The following NID2 variants were observed in gnomAD, a reference collection of about 807,000 sequenced individuals.
The protein encoded by NID2 is nidogen-2.
Under a neutral mutation model 145.4 loss-of-function variants are expected in NID2, and 83 were observed. The observed-to-expected ratio is 0.57, with a 90% CI of 0.48 to 0.69. NID2 has a LOEUF of 0.69. Ranked by LOEUF, NID2 falls within the 30% of genes least tolerant of loss-of-function variation. The probability of loss-of-function intolerance (pLI) is 0.00; values close to 1 mark genes in which losing one functional copy is unlikely to be tolerated. For missense variants in NID2, 1,807 were observed against 1,765.7 expected (o/e 1.02, Z -0.42); for synonymous variants, 739 against 701.3 (o/e 1.05, Z -0.85).
chr14:52,024,099 G>C (rs1270497577), intron 12 of NID2, among the ~76,000 whole-genome samples: 1 of 152,130 alleles, frequency 6.6e-6, no homozygotes, highest in Non-Finnish European at 1.5e-5. Flanking sequence ...GGGTCTTTAG[G>C]AAAATGACCA....
chr14:52,066,493 G>C (rs938582509), intron 2 of NID2, among the ~76,000 whole-genome samples: 5 of 152,016 alleles, frequency 3.3e-5, no homozygotes, highest in African/African-American at 1.2e-4. Flanking sequence ...TGCTTGGGGG[G>C]ATGGATACCC....
intron 7 of NID2, 114 bp downstream of exon 7, chr14:52,041,991 G>T: frequency 7.6e-7 from 1 of 1,321,210 alleles, no homozygotes; most frequent in Non-Finnish European, 1.0e-6. Context: ...TGTGGCTCTA[G>T]TACATTAAAC....
At chr14:52,010,435 A>T (rs1004695101) in intron 18 of NID2, 2 of 156,044 alleles carry the variant, frequency 1.3e-5, no homozygotes, top group African/African-American at 4.8e-5. Context: ...CTGAAGCCAG[A>T]GGTGTCTGAG....
intron 8 of NID2, among the ~76,000 whole-genome samples, chr14:52,040,292 A>G (rs940429815): frequency 4.6e-5 from 7 of 152,018 alleles, no homozygotes; most frequent in Non-Finnish European, 8.8e-5. Flanking sequence ...ATCAGCTGAA[A>G]CAAGGTTGAG....
chr14:52,036,219 T>C (rs896314041), intron 9 of NID2, among the ~76,000 whole-genome samples: 1 of 152,190 alleles, frequency 6.6e-6, no homozygotes, highest in African/African-American at 2.4e-5. Context: ...ATGCTTTCTA[T>C]GTATGTGGAT....
At position 52,068,114 on chromosome 14, in the gene NID2, T is replaced by C; in HGVS notation, c.278A>G (p.Gln93Arg). The C allele has an allele frequency of 6.2e-7, 1 of 1,613,410 alleles. No homozygotes were observed. Among genetic ancestry groups the C allele is most frequent in the Non-Finnish European group, 8.5e-7 (1 of 1,179,896 alleles). The part of the protein sequence containing the change: ...ISTQDFPRET[Q>R]YVDYDFPTDF... ...GGTGGGGAAATCATAGTCCACATACTGCGTTTCCCTGGGGAAGTCCTGAGT... is the reference window on the plus strand; with the variant it reads ...GGTGGGGAAATCATAGTCCACATACCGCGTTTCCCTGGGGAAGTCCTGAGT... The change falls in exon 2 of 22, where the codon CAG becomes CGG. Residue 93 changes from glutamine (Q) to arginine (R), a missense_variant. Physicochemically the swap from Gln to Arg is conservative, Grantham distance 43. Coordinates refer to ENST00000216286, the MANE Select transcript of NID2 (RefSeq NM_007361.4).
At chr14:52,059,622 G>A (rs936478996) in intron 3 of NID2, among the ~76,000 whole-genome samples, 2 of 152,224 alleles carry the variant, frequency 1.3e-5, no homozygotes, top group African/African-American at 2.4e-5. Context: ...TCTAAGGAAT[G>A]GGTTCAATTC....
In NID2 at chr14:52,068,973, C is replaced by T. The variant is rs758751854; in HGVS notation, c.22G>A (p.Gly8Arg). The change falls in exon 1 of 22, where the codon GGG becomes AGG. Residue 8 changes from glycine to arginine, a missense_variant. Physicochemically the swap from Gly to Arg is moderately radical, Grantham distance 125. Transcript: ENST00000216286. ...GGTAACGACGACAGCACCGGCCGCC[C>T]GGCCACCCGGTCCCCCTCCATGCTC... MEGDRVA[G>R]RPVLSSLPVL... The T allele has an allele frequency of 1.9e-6, 3 of 1,612,006 alleles. No homozygotes were observed. The highest frequency in any genetic ancestry group is 1.8e-4 in the Middle Eastern group (1 of 5,672).
chr14:52,008,662 A>G (rs964243345), intron 18 of NID2: 5 of 152,150 alleles, frequency 3.3e-5, no homozygotes, highest in African/African-American at 7.2e-5. Flanking sequence ...CCTTGACTCA[A>G]CTGCCCCAAA....
Position 52,027,340 on chromosome 14 carries a change from G to T in NID2, c.2535C>A (p.Ile845=). ...FADDRHTCIL[I]TPPANPCEDG... ...CCTCACAGGGGTTGGCAGGTGGGGT[G>T]ATCACTGAAAAGAGAAGAAGATAAG... Residue 845 remains isoleucine (I), a synonymous_variant, in exon 12 of 22, where the codon ATC becomes ATA. Transcript: ENST00000216286. 6.4e-7 allele frequency: 1 copy of T among 1,561,616 alleles called. No homozygotes were observed. Among genetic ancestry groups the T allele is most frequent in the East Asian group, 2.4e-5 (1 of 41,042 alleles).
chr14:52,051,907 T>C (rs181470805), intron 5 of NID2, among the ~76,000 whole-genome samples: 164 of 152,332 alleles, frequency 1.1e-3, no homozygotes, highest in African/African-American at 3.5e-3. Flanking sequence ...TTCTACTCTA[T>C]GGCTGGTTCC....
At chr14:52,049,553 C>G (rs1404942839) in intron 5 of NID2, among the ~76,000 whole-genome samples, 1 of 145,684 alleles carries the variant, frequency 6.9e-6, no homozygotes, top group African/African-American at 2.6e-5. Flanking sequence ...GGAGCAACTA[C>G]TAACAATTTT....
Position 52,055,011 on chromosome 14 carries a change from T to C in NID2, c.768-690A>G, listed in dbSNP as rs138239941. Among the ~76,000 whole-genome samples, 1,406 of 152,318 alleles carry C rather than the reference T, an allele frequency of 9.2e-3. 15 individuals are homozygous for C. The highest frequency in any genetic ancestry group is 0.031 in the South Asian group (151 of 4,828). On this transcript the variant is annotated intron_variant, in intron 3 of 21. Coordinates refer to ENST00000216286, the MANE Select transcript of NID2 (RefSeq NM_007361.4). ...CTGGAAACATAACACATTTTAAAAA[T>C]GTATGCTTAAAACTCTACCAAATAC...
At chr14:52,033,219 G>T (rs1438477806) in intron 9 of NID2, among the ~76,000 whole-genome samples, 1 of 152,102 alleles carries the variant, frequency 6.6e-6, no homozygotes, top group African/African-American at 2.4e-5. Context: ...CTTAACAGAG[G>T]ATCTGGAACT....
intron 8 of NID2, 128 bp downstream of exon 8, chr14:52,040,523 A>T: frequency 1.3e-6 from 1 of 770,418 alleles, no homozygotes; most frequent in Non-Finnish European, 2.2e-6. Flanking sequence ...GTAATAACAT[A>T]ATAGAGCTCA....
intron 5 of NID2, among the ~76,000 whole-genome samples, chr14:52,050,045 C>T (rs1892636803): frequency 6.6e-6 from 1 of 152,134 alleles, no homozygotes; most frequent in African/African-American, 2.4e-5. Context: ...TTCACAAGGC[C>T]AAAAGTGGAG....
At chr14:52,020,762 A>T (rs374014907) in intron 12 of NID2, among the ~76,000 whole-genome samples, 2 of 152,316 alleles carry the variant, frequency 1.3e-5, no homozygotes, top group South Asian at 4.1e-4. Flanking sequence ...CACTTTTAGA[A>T]GAAATAAGAA....
intron 9 of NID2, among the ~76,000 whole-genome samples, chr14:52,036,068 C>T (rs1892060130): frequency 6.6e-6 from 1 of 151,730 alleles, no homozygotes; most frequent in East Asian, 1.9e-4. Context: ...CATAATTAAA[C>T]AATTTCGTCT....
chr14:52,033,324 C>T (rs1394507036), intron 9 of NID2, among the ~76,000 whole-genome samples: 1 of 152,176 alleles, frequency 6.6e-6, no homozygotes, highest in Non-Finnish European at 1.5e-5. Context: ...GCCTCCTCAA[C>T]TCGCCAAAAG....
Sources: gnomAD v4.1 joint callset for allele counts (sites outside exome capture counted in the v4.1 genomes callset) on GRCh38, gnomAD v4.1.1 for gene constraint, MANE v1.5 for transcripts, NCBI Gene and HGNC (gene_info 2026-07-23, HGNC 2026-07-21) for gene names.